SV2A: variants seen among roughly 807,000 people sequenced by gnomAD.
The protein encoded by SV2A is synaptic vesicle glycoprotein 2A, also known as solute carrier family 22 member B1.
Under a neutral mutation model 78.0 loss-of-function variants are expected in SV2A, and 25 were observed. The ratio of observed to expected loss-of-function variants is 0.32; its 90% CI spans 0.23 to 0.45. The LOEUF (loss-of-function observed/expected upper bound fraction) is 0.45. Among genes scored for constraint, SV2A ranks in the 20% least tolerant of loss-of-function variants. The probability of loss-of-function intolerance (pLI) is 1.00; values close to 1 mark genes in which losing one functional copy is unlikely to be tolerated. For missense variants in SV2A, 752 were observed against 971.5 expected (o/e 0.77, Z 3.00); for synonymous variants, 355 against 384.7 (o/e 0.92, Z 0.90).
rs2092465492 is a variant in SV2A at position 149,910,013 on chromosome 1, C to T, written c.1090-123G>A. The stretch of plus-strand genomic sequence containing the variant: ...CACTAAATGGTTCCCAGCCCTCAAC[C>T]CCACCACCAAGCCCTGACCTATGGG... On this transcript the variant is annotated intron_variant, in intron 5 of 12. Coordinates refer to ENST00000369146, the MANE Select transcript of SV2A (RefSeq NM_014849.5). This position sits in a 1 kb window ranked among gnomAD's most constrained non-coding sequence, Gnocchi z 4.2. 1.2e-6 allele frequency: 1 copy of T among 857,544 alleles called. No individual in the cohort carries two copies. The highest frequency in any genetic ancestry group is 1.7e-5 in the African/African-American group (1 of 60,188). The allele number at this position is 857,544 out of a possible 1,614,324, so 53.1% of individuals were successfully genotyped here.
rs782330239 is a variant in SV2A, at chr1:149,911,889, C to T, written c.714G>A (p.Ser238=). Residue 238 remains serine (S), a synonymous_variant, in exon 3 of 13, where the codon TCG becomes TCA. Transcript: ENST00000369146. The stretch of plus-strand genomic sequence containing the variant: ...AGGCGAAGACGCTGTTGACTGAGAG[C>T]GAGATGAGCAGACACTGCCTCCGAC... The part of the protein sequence containing the change: ...RLGRRQCLLI[S]LSVNSVFAFF... The T allele has an allele frequency of 7.4e-6, 12 of 1,614,014 alleles. No homozygotes were observed. The highest frequency in any genetic ancestry group is 4.5e-5 in the East Asian group (2 of 44,880).
At chr1:149,909,040 G>T (rs1553763245) in intron 8 of SV2A, 152 bp downstream of exon 8, 1 of 696,214 alleles carries the variant, frequency 1.4e-6, no homozygotes, top group Non-Finnish European at 2.5e-6. Flanking sequence ...GAGTGAACTA[G>T]CGAAGTAGAG....
Position 149,908,128 on chromosome 1 carries a change from C to G in SV2A, c.1458G>C (p.Val486=), listed in dbSNP as rs782671277. Residue 486 remains valine, a synonymous_variant, in exon 9 of 13, where the codon GTG becomes GTC. Transcript: ENST00000369146. ...QAVDYASRTK[V]FPGERVEHVT... ...CATGCTCTACGCGCTCCCCGGGGAA[C>G]ACTTTGGTGCGGGATGCGTAGTCCA... 1 of 1,614,194 alleles carries G rather than the reference C, an allele frequency of 6.2e-7. No individual in the cohort carries two copies. The highest frequency in any genetic ancestry group is 8.5e-7 in the Non-Finnish European group (1 of 1,180,040).
chr1:149,915,023 G>T (rs781807389), intron 1 of SV2A, among the ~76,000 whole-genome samples: 13 of 152,264 alleles, frequency 8.5e-5, no homozygotes, highest in Admixed American at 2.0e-4. Context: ...GGAGAATCCT[G>T]GTTCAGGGCA....
chr1:149,915,010 C>T (rs1446423566), intron 1 of SV2A, among the ~76,000 whole-genome samples: 1 of 152,100 alleles, frequency 6.6e-6, no homozygotes, highest in Non-Finnish European at 1.5e-5. Context: ...GGGACACTGG[C>T]AAGGAGAATC....
At position 149,904,966 on chromosome 1, in the gene SV2A, T is replaced by C. The variant is rs587705417; in HGVS notation, c.*48A>G. 7.8e-6 allele frequency: 12 copies of C among 1,545,284 alleles called. No individual in the cohort carries two copies. The East Asian group carries it at 2.5e-4, about 33-fold the overall frequency. Reference sequence around the variant, plus strand: ...AGGGCAGGGAGGGGAAGGAAGGAGTTGTTGGTCTCACAGTGTGCCTGCCAA... The same window carrying C: ...AGGGCAGGGAGGGGAAGGAAGGAGTCGTTGGTCTCACAGTGTGCCTGCCAA... On this transcript the variant is annotated 3_prime_UTR_variant, in exon 13 of 13. Transcript: ENST00000369146.
rs782701966 is a variant in SV2A, at chr1:149,913,635, T to C, written c.206A>G (p.Glu69Gly). Reference sequence around the variant, plus strand: ...ACCTTCCTCCTCATCCTGGGTCCCTTCTCCTCGGTAATAACCATCACTGGG... The same window carrying C: ...ACCTTCCTCCTCATCCTGGGTCCCTCCTCCTCGGTAATAACCATCACTGGG... ...PAPSDGYYRG[E>G]GTQDEEEGGA... Residue 69 changes from glutamate (E) to glycine (G), a missense_variant, in exon 2 of 13, where the codon GAA (glutamate) becomes GGA (glycine). Transcript: ENST00000369146. The C allele has an allele frequency of 6.2e-7, 1 of 1,614,016 alleles. No homozygotes were observed. The highest frequency in any genetic ancestry group is 1.1e-5 in the South Asian group (1 of 91,072).
intron 11 of SV2A, 50 bp downstream of exon 11, chr1:149,906,600 C>A: frequency 1.3e-6 from 2 of 1,596,248 alleles, no homozygotes; most frequent in South Asian, 1.1e-5. Context: ...GACTGCCTCC[C>A]GCAGCCCCTG....
rs587724224 is a variant in SV2A, at chr1:149,916,947, G to C, written c.-348+792C>G. On this transcript the variant is annotated intron_variant, in intron 1 of 12. Transcript: ENST00000369146. ...GAGGAATACGGAGAGGCAGAGAGGG[G>C]GACGCAGGGAGAGACCTCCGCATGC... 2.6e-5 allele frequency among the ~76,000 whole-genome samples: 4 copies of C among 152,098 alleles called. No homozygotes were observed. The East Asian group carries it at 7.8e-4, about 30-fold the overall frequency.
intron 6 of SV2A, 99 bp downstream of exon 6, chr1:149,909,702 G>A (rs1165642647): frequency 2.6e-5 from 38 of 1,458,600 alleles, no homozygotes; most frequent in Middle Eastern, 1.9e-4. Flanking sequence ...ATCTCCTTAC[G>A]GTAGAGTGTG....
At chr1:149,912,034 C>A in intron 2 of SV2A, 54 bp from the exon 3 acceptor site, 1 of 1,554,568 alleles carries the variant, frequency 6.4e-7, no homozygotes, top group South Asian at 1.2e-5. Flanking sequence ...CACCTTAATT[C>A]TCCCAGGAGA....
chr1:149,907,347 A>AAGG (rs1553762913), intron 10 of SV2A, among the ~76,000 whole-genome samples: 14 of 152,202 alleles, frequency 9.2e-5, no homozygotes, highest in African/African-American at 3.4e-4. Context: ...GATTCATGCA[A>AAGG]TGATCCGCAC....
At chr1:149,909,768 G>A (rs782563008) in intron 6 of SV2A, 33 bp downstream of exon 6, 74 of 1,608,360 alleles carry the variant, frequency 4.6e-5, no homozygotes, top group Admixed American at 1.7e-4. Flanking sequence ...GCTGCAGGGC[G>A]TGGAGGTCTG....
At chr1:149,905,424 A>G (rs2092430836) in intron 12 of SV2A, 1 of 453,900 alleles carries the variant, frequency 2.2e-6, no homozygotes, top group Non-Finnish European at 3.9e-6. Flanking sequence ...GACTTTGAGG[A>G]GTAGATACAA....
intron 8 of SV2A, among the ~76,000 whole-genome samples, chr1:149,908,679 C>T (rs1421880676): frequency 6.6e-6 from 1 of 152,112 alleles, no homozygotes; most frequent in Non-Finnish European, 1.5e-5. Flanking sequence ...GCTCTGTCAC[C>T]CAGGCTGGAG....
At chr1:149,912,008 G>A (rs782114584) in intron 2 of SV2A, 28 bp from the exon 3 acceptor site, 1 of 1,605,328 alleles carries the variant, frequency 6.2e-7, no homozygotes, top group Non-Finnish European at 8.5e-7. Flanking sequence ...ACAGGCAGAG[G>A]GGGTGTGAGC....
In SV2A at chr1:149,910,927, G is replaced by A. The variant is rs1553763655; in HGVS notation, c.854C>T (p.Ala285Val). ...CAAATGCTCCCCTCGTTTCTCCTGG[G>A]CCAGAAACTCGGAGAAATAGGAGAA... Reference protein sequence around the residue: ...IVFSYFSEFLAQEKRGEHLSW... With the variant: ...IVFSYFSEFLVQEKRGEHLSW... Residue 285 changes from alanine (A) to valine (V), a missense_variant, in exon 4 of 13, where the codon GCC becomes GTC. Physicochemically the swap from Ala to Val is moderately conservative, Grantham distance 64 (BLOSUM62 0). This residue lies in a region of SV2A where 5 missense variants were observed against 29.0 expected (regional missense o/e 0.17). Transcript: ENST00000369146. This position sits in a 1 kb window ranked among gnomAD's most constrained non-coding sequence, Gnocchi z 4.2. The A allele has an allele frequency of 1.2e-6, 2 of 1,614,200 alleles. No homozygotes were observed. Among genetic ancestry groups the A allele is most frequent in the South Asian group, 1.1e-5 (1 of 91,090 alleles).
At chr1:149,909,026 T>G (rs1553763243) in intron 8 of SV2A, among the ~76,000 whole-genome samples, 166 bp downstream of exon 8, 2 of 152,134 alleles carry the variant, frequency 1.3e-5, no homozygotes, top group African/African-American at 4.8e-5. Flanking sequence ...AGTACAAGTT[T>G]GTTGAGTGAA....
chr1:149,911,471 AG>A (rs1417720145), intron 3 of SV2A, among the ~76,000 whole-genome samples: 3 of 150,710 alleles, frequency 2.0e-5, no homozygotes, highest in African/African-American at 7.3e-5. Context: ...AGACTCTGGT[AG>A]GGGGTAACTC....
Sources: allele counts gnomAD v4.1 joint callset (sites outside exome capture counted in the v4.1 genomes callset), GRCh38; gene constraint gnomAD v4.1.1; regional missense constraint gnomAD v4.1.1; non-coding constraint Gnocchi (gnomAD v3.1); transcripts MANE v1.5; gene names NCBI Gene and HGNC (gene_info 2026-07-23, HGNC 2026-07-21).